The following URI1 variants were observed in gnomAD, a reference collection of about 807,000 sequenced individuals.
The protein encoded by URI1 is URI1 prefoldin like chaperone.
Under a neutral mutation model 60.2 loss-of-function variants are expected in URI1, and 39 were observed. The ratio of observed to expected loss-of-function variants is 0.65; its 90% CI spans 0.50 to 0.85. The LOEUF (loss-of-function observed/expected upper bound fraction) is 0.85. Among genes scored for constraint, URI1 ranks in the 40% least tolerant of loss-of-function variants. URI1 has a pLI of 0.00. For missense variants in URI1, 691 were observed against 665.9 expected (o/e 1.04, Z -0.42); for synonymous variants, 251 against 236.8 (o/e 1.06, Z -0.55).
At chr19:29,984,577 A>G (rs985208142) in intron 2 of URI1, among the ~76,000 whole-genome samples, 5 of 152,170 alleles carry the variant, frequency 3.3e-5, no homozygotes, top group Non-Finnish European at 7.3e-5. Flanking sequence ...AAATTTGAGT[A>G]TTCTGCTTCT....
intron 1 of URI1, among the ~76,000 whole-genome samples, chr19:29,968,767 T>G (rs1366468067): frequency 2.6e-5 from 4 of 151,684 alleles, no homozygotes; most frequent in African/African-American, 9.7e-5. Flanking sequence ...GAGATGGGGT[T>G]TCACTGTGTT....
chr19:29,967,497 GT>G (rs932247787), intron 1 of URI1, among the ~76,000 whole-genome samples: 1 of 152,230 alleles, frequency 6.6e-6, no homozygotes, highest in African/African-American at 2.4e-5. Context: ...GTCAGGAGCT[GT>G]AGGAGGCATT....
At chr19:29,941,288 G>A (rs1266480288), upstream of URI1, among the ~76,000 whole-genome samples, 1 of 152,190 alleles carries the variant, frequency 6.6e-6, no homozygotes. Flanking sequence ...ACAAAGGGCT[G>A]TAGGAGGAAG....
chr19:29,948,130 G>A (rs1009830768), intron 1 of URI1, among the ~76,000 whole-genome samples: 7 of 152,298 alleles, frequency 4.6e-5, no homozygotes, highest in Non-Finnish European at 1.0e-4. Context: ...GTCTGTTCTT[G>A]CAGCAAACCT....
chr19:30,005,793 G>T, intron 6 of URI1, 85 bp downstream of exon 6: 1 of 1,293,162 alleles, frequency 7.7e-7, no homozygotes, highest in Non-Finnish European at 1.1e-6. Context: ...GAGATATTTG[G>T]GATTTAGAAT....
intron 4 of URI1, among the ~76,000 whole-genome samples, chr19:29,989,809 G>C (rs1037307920): frequency 1.3e-5 from 2 of 151,670 alleles, no homozygotes; most frequent in Non-Finnish European, 2.9e-5. Flanking sequence ...ATGTTAAATA[G>C]GTGATGTGCA....
In URI1 at chr19:30,007,600, AC is replaced by A; in HGVS notation, c.649del (p.Leu217Ter). ...AAGAACTGTGGGCTCGACTTGAAGA[AC>A]TAGAGAGACAGGAAGAATTGCTGGG... ...DKELWARLEE[L>X]ERQEELLGEL... On this transcript the variant is annotated frameshift_variant, in exon 7 of 11. Coordinates refer to ENST00000392271, the MANE Select transcript of URI1 (RefSeq NM_003796.3). LOFTEE classifies it high-confidence loss of function. 6.2e-7 allele frequency: 1 copy of A among 1,611,392 alleles called. No individual in the cohort carries two copies. Among genetic ancestry groups the A allele is most frequent in the Non-Finnish European group, 8.5e-7 (1 of 1,178,700 alleles).
chr19:29,936,263 C>G (rs1385850309), intron 1 of URI1, among the ~76,000 whole-genome samples: 6 of 152,082 alleles, frequency 3.9e-5, no homozygotes, highest in African/African-American at 1.2e-4. Flanking sequence ...ACCACCGCAT[C>G]TGGCTAATTT....
At chr19:29,971,336 T>C (rs546936429) in intron 2 of URI1, 109 bp downstream of exon 2, 182 of 1,085,312 alleles carry the variant, frequency 1.7e-4, no homozygotes, top group Non-Finnish European at 2.3e-4. Context: ...TGACTAGTAA[T>C]TGAATTCTTC....
chr19:29,993,362 T>C (rs2145399287), intron 4 of URI1, among the ~76,000 whole-genome samples: 1 of 152,328 alleles, frequency 6.6e-6, no homozygotes, highest in Non-Finnish European at 1.5e-5. Flanking sequence ...CTACTTTCCC[T>C]CTACCAGAGA....
chr19:29,997,859 C>T (rs779479764), intron 4 of URI1, among the ~76,000 whole-genome samples: 13 of 151,978 alleles, frequency 8.6e-5, no homozygotes, highest in Non-Finnish European at 1.6e-4. Flanking sequence ...CCATCTCCCG[C>T]GTTGAAGGGA....
Position 29,942,292 on chromosome 19 carries a change from G to C in URI1, c.-256G>C. 1.0e-6 allele frequency: 1 copy of C among 985,268 alleles called. No homozygotes were observed. The highest frequency in any genetic ancestry group is 1.2e-6 in the Non-Finnish European group (1 of 829,710). The allele number at this position is 985,268 out of a possible 1,614,324, so 61.0% of individuals were successfully genotyped here. A position where few individuals can be genotyped will look rare whatever the true frequency, so the allele number is the denominator to read the frequency against. The stretch of plus-strand genomic sequence containing the variant: ...GCCTGGCTGGGCCCGCACCGGAGAG[G>C]CGTCTCGGTACCTGGCAGGCGGCCT... On this transcript the variant is annotated 5_prime_UTR_variant, in exon 1 of 11. Coordinates refer to ENST00000392271, the MANE Select transcript of URI1 (RefSeq NM_003796.3).
chr19:29,947,940 C>T (rs1362731125), intron 1 of URI1, among the ~76,000 whole-genome samples: 1 of 152,128 alleles, frequency 6.6e-6, no homozygotes. Context: ...CTACATTCTA[C>T]CTGGAATTGG....
intron 1 of URI1, among the ~76,000 whole-genome samples, chr19:29,954,151 T>C (rs1003674362): frequency 2.6e-5 from 4 of 152,166 alleles, no homozygotes; most frequent in Non-Finnish European, 4.4e-5. Flanking sequence ...TATCCTACAA[T>C]ATATACAAAA....
chr19:29,985,938 A>T (rs934342676), intron 3 of URI1, among the ~76,000 whole-genome samples: 11 of 152,210 alleles, frequency 7.2e-5, no homozygotes, highest in Admixed American at 6.5e-4. Flanking sequence ...AGTATTTTGC[A>T]TTGACAATGT....
chr19:29,944,212 G>A (rs2055075733), intron 1 of URI1, among the ~76,000 whole-genome samples: 1 of 114,992 alleles, frequency 8.7e-6, no homozygotes, highest in South Asian at 2.8e-4. Flanking sequence ...CTAGTTTGGC[G>A]TCTTTAAATT....
At chr19:29,993,597 T>G (rs767414584) in intron 4 of URI1, among the ~76,000 whole-genome samples, 1 of 150,642 alleles carries the variant, frequency 6.6e-6, no homozygotes, top group South Asian at 2.1e-4. Flanking sequence ...GAATACAGCT[T>G]TTTTTTTTAA....
intron 2 of URI1, chr19:29,980,162 T>G (rs1184805964): frequency 6.6e-6 from 1 of 152,098 alleles, no homozygotes; most frequent in Non-Finnish European, 1.5e-5. Context: ...ATTTTAGAGG[T>G]GAAAAGCCAG....
At chr19:29,968,496 T>C (rs1214297974) in intron 1 of URI1, among the ~76,000 whole-genome samples, 1 of 151,630 alleles carries the variant, frequency 6.6e-6, no homozygotes, top group African/African-American at 2.4e-5. Context: ...TAATTTAACT[T>C]AAGGGAAAAA....
Sources: gnomAD v4.1 joint callset for allele counts (sites outside exome capture counted in the v4.1 genomes callset) on GRCh38, gnomAD v4.1.1 for gene constraint, MANE v1.5 for transcripts, NCBI Gene and HGNC (gene_info 2026-07-23, HGNC 2026-07-21) for gene names.